Variants in SCMH1 observed in about 807,000 individuals in gnomAD.
The protein encoded by SCMH1 is polycomb protein SCMH1.
A neutral mutation model predicts 70.8 loss-of-function variants in SCMH1; 37 were observed. That is an observed-to-expected ratio of 0.52 (90% CI 0.40 to 0.69). SCMH1 has a LOEUF of 0.69. SCMH1 is among the 30% of genes least tolerant of loss of function. The pLI, the probability that SCMH1 is intolerant of heterozygous loss-of-function variation, is 0.00. For synonymous variants in SCMH1, 292 were observed against 307.4 expected, an observed-to-expected ratio of 0.95 and a Z score of 0.52; for missense variants, 607 against 827.3, an observed-to-expected ratio of 0.73 and a Z score of 3.27.
At chr1:41,180,023 A>T (rs1014311215) in intron 2 of SCMH1, among the ~76,000 whole-genome samples, 1 of 152,228 alleles carries the variant, frequency 6.6e-6, no homozygotes, top group Non-Finnish European at 1.5e-5. Context: ...ACCATGATCA[A>T]GTGGGCTTCA....
At position 41,113,738 on chromosome 1, in the gene SCMH1, T is replaced by G. The variant is rs1189932363; in HGVS notation, c.502-212A>C. On this transcript the variant is annotated intron_variant, in intron 7 of 14. Transcript: ENST00000337495. The surrounding 1 kb of genome is among the most constrained non-coding windows in gnomAD (Gnocchi z 4.3). The stretch of plus-strand genomic sequence containing the variant: ...AACATTTTGACAACTTTGCTTCAGA[T>G]TTTTTAAAAAGGAAATAAAAGGTTG... 1.3e-5 allele frequency among the ~76,000 whole-genome samples: 2 copies of G among 152,210 alleles called. No individual in the cohort carries two copies. Among genetic ancestry groups the G allele is most frequent in the Non-Finnish European group, 1.5e-5 (1 of 68,028 alleles).
intron 8 of SCMH1, among the ~76,000 whole-genome samples, chr1:41,098,066 A>G (rs780185366): frequency 1.2e-4 from 19 of 152,312 alleles, no homozygotes; most frequent in East Asian, 9.6e-4. Context: ...ACAAATCCCA[A>G]TAAGTTCTAT....
intron 1 of SCMH1, among the ~76,000 whole-genome samples, chr1:41,211,218 A>G (rs1656943652): frequency 6.6e-6 from 1 of 152,254 alleles, no homozygotes; most frequent in Non-Finnish European, 1.5e-5. Context: ...CTATCATCAG[A>G]GTGAACAAGC....
chr1:41,136,927 C>T (rs929680956), intron 6 of SCMH1, among the ~76,000 whole-genome samples: 6 of 151,836 alleles, frequency 4.0e-5, no homozygotes, highest in Non-Finnish European at 8.8e-5. Flanking sequence ...CAGGCATATG[C>T]CACCATGCTG....
chr1:41,035,618 G>T (rs1345055166), intron 13 of SCMH1, among the ~76,000 whole-genome samples: 1 of 152,080 alleles, frequency 6.6e-6, no homozygotes, highest in Non-Finnish European at 1.5e-5. Flanking sequence ...TTTGGCTTAA[G>T]ACTGATGCCT....
At chr1:41,072,644 T>C (rs1168551783) in intron 9 of SCMH1, among the ~76,000 whole-genome samples, 1 of 152,172 alleles carries the variant, frequency 6.6e-6, no homozygotes, top group East Asian at 1.9e-4. Flanking sequence ...GGAAAATTGC[T>C]TGGGCCCAGG....
intron 2 of SCMH1, among the ~76,000 whole-genome samples, chr1:41,166,266 C>T (rs1224472575): frequency 6.6e-6 from 1 of 152,022 alleles, no homozygotes; most frequent in African/African-American, 2.4e-5. Context: ...TTTTGCAATA[C>T]AGTAGTGTGA....
chr1:41,103,328 G>T (rs1667088506), intron 8 of SCMH1, among the ~76,000 whole-genome samples: 1 of 151,990 alleles, frequency 6.6e-6, no homozygotes, highest in Non-Finnish European at 1.5e-5. Context: ...TTTCAGTAGA[G>T]ATGGAGTTTC....
chr1:41,107,802 G>A (rs1668361408), intron 8 of SCMH1, among the ~76,000 whole-genome samples: 1 of 152,214 alleles, frequency 6.6e-6, no homozygotes, highest in Non-Finnish European at 1.5e-5. Context: ...ACAGGCGTGA[G>A]CCACTGCGCC....
intron 1 of SCMH1, among the ~76,000 whole-genome samples, chr1:41,212,275 C>A (rs1350420565): frequency 1.3e-5 from 2 of 152,038 alleles, no homozygotes; most frequent in Non-Finnish European, 2.9e-5. Context: ...TTGGGAGACA[C>A]AATCATGAAT....
At chr1:41,082,457 G>A (rs1571908552) in intron 8 of SCMH1, among the ~76,000 whole-genome samples, 1 of 152,116 alleles carries the variant, frequency 6.6e-6, no homozygotes, top group East Asian at 1.9e-4. Flanking sequence ...TTCATATCCA[G>A]ACAAACTAAG....
chr1:41,213,568 GAC>G (rs752027906), intron 1 of SCMH1, among the ~76,000 whole-genome samples: 16 of 152,062 alleles, frequency 1.1e-4, no homozygotes, highest in Non-Finnish European at 1.9e-4. Flanking sequence ...AGGAGCCAAA[GAC>G]ACAGAGAGAC....
At chr1:41,076,706 TAAC>T (rs754847698) in intron 8 of SCMH1, among the ~76,000 whole-genome samples, 37 of 152,142 alleles carry the variant, frequency 2.4e-4, no homozygotes, top group Non-Finnish European at 3.5e-4. Context: ...TGAGAGGGTA[TAAC>T]AACAAGTGCA....
chr1:41,134,618 G>T (rs973973787), intron 6 of SCMH1, among the ~76,000 whole-genome samples: 1 of 152,180 alleles, frequency 6.6e-6, no homozygotes, highest in Non-Finnish European at 1.5e-5. Flanking sequence ...TCTCTTACCA[G>T]TGTCTATTGA....
intron 4 of SCMH1, 71 bp downstream of exon 4, chr1:41,160,804 A>C: frequency 7.1e-7 from 1 of 1,415,018 alleles, no homozygotes; most frequent in Non-Finnish European, 9.8e-7. Context: ...CGTTGGTTAA[A>C]ACTGGTTATA....
chr1:41,081,389 G>A (rs910645466), intron 8 of SCMH1, among the ~76,000 whole-genome samples: 2 of 152,164 alleles, frequency 1.3e-5, no homozygotes, highest in African/African-American at 2.4e-5. Context: ...TATGCAAATT[G>A]ACAATTTAAT....
chr1:41,135,970 A>T (rs1241253595), intron 6 of SCMH1, among the ~76,000 whole-genome samples: 5 of 147,288 alleles, frequency 3.4e-5, no homozygotes, highest in African/African-American at 1.0e-4. Flanking sequence ...TTGAGACAGG[A>T]TCTCACTCTT....
At chr1:41,042,901 T>A (rs537888889) in intron 12 of SCMH1, among the ~76,000 whole-genome samples, 11 of 151,788 alleles carry the variant, frequency 7.2e-5, no homozygotes, top group African/African-American at 2.7e-4. Flanking sequence ...CAATGTCACG[T>A]CGTGAAAGAT....
chr1:41,181,228 C>A (rs1648666383), intron 2 of SCMH1, among the ~76,000 whole-genome samples: 1 of 152,126 alleles, frequency 6.6e-6, no homozygotes, highest in Admixed American at 6.5e-5. Context: ...AATGTTAGAC[C>A]TAAACCCATA....
Sources: gnomAD v4.1 joint callset for allele counts (sites outside exome capture counted in the v4.1 genomes callset) on GRCh38, gnomAD v4.1.1 for gene constraint, Gnocchi (gnomAD v3.1) non-coding constraint, MANE v1.5 for transcripts, NCBI Gene and HGNC (gene_info 2026-07-23, HGNC 2026-07-21) for gene names.